The following ZNF395 variants were observed in gnomAD, a reference collection of about 807,000 sequenced individuals.
ZNF395 encodes zinc finger protein 395, also known as HD gene regulatory region-binding protein 2.
A neutral mutation model predicts 57.7 loss-of-function variants in ZNF395; 20 were observed. That is an observed-to-expected ratio of 0.35 (90% CI 0.24 to 0.50). The LOEUF (loss-of-function observed/expected upper bound fraction) is 0.50, where lower values mean the gene tolerates loss of function less well. ZNF395 is among the 20% of genes least tolerant of loss of function. ZNF395 has a pLI of 0.97. For synonymous variants in ZNF395, 295 were observed against 275.9 expected, an observed-to-expected ratio of 1.07 and a Z score of -0.69; for missense variants, 606 against 671.2, an observed-to-expected ratio of 0.90 and a Z score of 1.07.
chr8:28,363,489 G>A (rs964585082), intron 1 of ZNF395, among the ~76,000 whole-genome samples: 5 of 152,086 alleles, frequency 3.3e-5, no homozygotes, highest in Non-Finnish European at 7.4e-5. Flanking sequence ...GGAGCCTCAG[G>A]CTAAAATGGA....
intron 1 of ZNF395, among the ~76,000 whole-genome samples, chr8:28,370,422 A>C (rs1801963528): frequency 6.6e-6 from 1 of 152,210 alleles, no homozygotes; most frequent in South Asian, 2.1e-4. Context: ...CCATTTAAGG[A>C]ATCTTTATGC....
At chr8:28,374,019 C>A (rs928807415) in intron 1 of ZNF395, among the ~76,000 whole-genome samples, 1 of 152,132 alleles carries the variant, frequency 6.6e-6, no homozygotes, top group Non-Finnish European at 1.5e-5. Context: ...GAGGTCTGTG[C>A]AGCAATGTTT....
At position 28,352,588 on chromosome 8, in the gene ZNF395, T is replaced by C; in HGVS notation, c.905A>G (p.Lys302Arg). 6.2e-7 allele frequency: 1 copy of C among 1,614,130 alleles called. No individual in the cohort carries two copies. Among genetic ancestry groups the C allele is most frequent in the Non-Finnish European group, 8.5e-7 (1 of 1,180,010 alleles). ...RSIVGIKRHV[K>R]ALHLGDTVDS... ...TCGCACATACCCCAGATGGAGGGCTTTGACGTGTCGTTTGATGCCCACAAT... is the reference window on the plus strand; with the variant it reads ...TCGCACATACCCCAGATGGAGGGCTCTGACGTGTCGTTTGATGCCCACAAT... The change falls in exon 6 of 10, where the codon AAA becomes AGA. Residue 302 changes from lysine (K) to arginine (R), a missense_variant. By Grantham distance (26) the Lys-to-Arg change is conservative. This residue lies in a region of ZNF395 where 261 missense variants were observed against 240.3 expected (regional missense o/e 1.09). Transcript: ENST00000344423. The surrounding 1 kb of genome is among the most constrained non-coding windows in gnomAD (Gnocchi z 4.0).
Position 28,352,300 on chromosome 8 carries a change from C to T in ZNF395, c.920+273G>A, listed in dbSNP as rs558398579. On this transcript the variant is annotated intron_variant, in intron 6 of 9. Transcript: ENST00000344423. This position sits in a 1 kb window ranked among gnomAD's most constrained non-coding sequence, Gnocchi z 4.0. ...AAACGGGGTCTCACCAGCAACTAAA[C>T]CAAATGACCCCGTTTCTACCCAGAA... is the stretch of plus-strand genomic sequence containing the variant. Among the ~76,000 whole-genome samples, 1 of 152,352 alleles carries T rather than the reference C, an allele frequency of 6.6e-6. No individual in the cohort carries two copies. Among genetic ancestry groups the T allele is most frequent in the South Asian group, 2.1e-4 (1 of 4,828 alleles).
chr8:28,379,633 G>A (rs1802085443), intron 1 of ZNF395, among the ~76,000 whole-genome samples: 1 of 152,102 alleles, frequency 6.6e-6, no homozygotes, highest in Non-Finnish European at 1.5e-5. Context: ...GTGGACCTGT[G>A]CCAACCTGGG....
At chr8:28,376,872 G>A (rs1405571447) in intron 1 of ZNF395, among the ~76,000 whole-genome samples, 2 of 152,154 alleles carry the variant, frequency 1.3e-5, no homozygotes, top group Non-Finnish European at 2.9e-5. Context: ...TTAAGTCAGC[G>A]CACCCCAAAA....
chr8:28,386,096 G>A (rs1189847166), intron 1 of ZNF395: 2 of 147,086 alleles, frequency 1.4e-5, no homozygotes, highest in East Asian at 2.0e-4. Context: ...TGCAGCGGCC[G>A]CGGCCCTGCC....
chr8:28,370,670 C>T (rs138468672), intron 1 of ZNF395, among the ~76,000 whole-genome samples: 160 of 152,256 alleles, frequency 1.1e-3, no homozygotes, highest in African/African-American at 3.5e-3. Context: ...ACATACTCTC[C>T]GAGTTTTCAG....
intron 4 of ZNF395, among the ~76,000 whole-genome samples, chr8:28,355,799 G>C (rs1801771892): frequency 6.6e-6 from 1 of 152,224 alleles, no homozygotes. Context: ...AGCTGACTTT[G>C]AGTCAAGAAA....
At position 28,353,292 on chromosome 8, in the gene ZNF395, G is replaced by A. The variant is rs145352684; in HGVS notation, c.700C>T (p.His234Tyr). 2.5e-6 allele frequency: 4 copies of A among 1,606,260 alleles called. No individual in the cohort carries two copies. The highest frequency in any genetic ancestry group is 2.6e-6 in the Non-Finnish European group (3 of 1,176,170). The change falls in exon 5 of 10, where the codon CAC becomes TAC. Residue 234 changes from histidine to tyrosine, a missense_variant. His to Tyr is a moderately conservative substitution (Grantham distance 83). Transcript: ENST00000344423. Reference sequence around the variant, plus strand: ...AAATACTTGGGGCTGGCCTGGGGGTGGGGGGGCGAGGGGGTGGAGACACCA... The same window carrying A: ...AAATACTTGGGGCTGGCCTGGGGGTAGGGGGGCGAGGGGGTGGAGACACCA... Reference protein sequence around the residue: ...SSGVSTPSPPHPQASPKYLGD... With the variant: ...SSGVSTPSPPYPQASPKYLGD...
chr8:28,356,646 C>A lies in ZNF395; in HGVS notation c.583+24G>T, dbSNP rs758737374. 1.3e-6 allele frequency: 2 copies of A among 1,594,014 alleles called. No homozygotes were observed. The highest frequency in any genetic ancestry group is 1.7e-6 in the Non-Finnish European group (2 of 1,162,962). On this transcript the variant is annotated intron_variant, in intron 4 of 9. Transcript: ENST00000344423. This position sits in a 1 kb window ranked among gnomAD's most constrained non-coding sequence, Gnocchi z 4.0. The stretch of plus-strand genomic sequence containing the variant: ...TCGTGGGCCTCTACCATGCCCAGAA[C>A]CCAGCTGGGCCCCGCTTGCTCACCA...
At chr8:28,370,288 A>G (rs1236844122) in intron 1 of ZNF395, among the ~76,000 whole-genome samples, 1 of 152,200 alleles carries the variant, frequency 6.6e-6, no homozygotes, top group Non-Finnish European at 1.5e-5. Flanking sequence ...CTTAGTGACG[A>G]GAAGACAGGC....
intron 1 of ZNF395, among the ~76,000 whole-genome samples, chr8:28,369,888 A>C (rs1326212487): frequency 6.6e-6 from 1 of 152,224 alleles, no homozygotes; most frequent in Non-Finnish European, 1.5e-5. Context: ...TAAGAAGCCT[A>C]AGAGTCAGAC....
At chr8:28,367,612 A>T (rs1221093387) in intron 1 of ZNF395, among the ~76,000 whole-genome samples, 1 of 151,726 alleles carries the variant, frequency 6.6e-6, no homozygotes, top group Non-Finnish European at 1.5e-5. Context: ...CTTCACACCT[A>T]CCTCCCCATT....
In ZNF395 at chr8:28,350,428, G is replaced by A. The variant is rs139256330; in HGVS notation, c.1234-272C>T. Reference sequence around the variant, plus strand: ...GTGCTAGCCTCATGACTTAATCACCGCAGAAGATTTAACTTCTCAACTGGA... The same window carrying A: ...GTGCTAGCCTCATGACTTAATCACCACAGAAGATTTAACTTCTCAACTGGA... On this transcript the variant is annotated intron_variant, in intron 7 of 9. Coordinates refer to ENST00000344423, the MANE Select transcript of ZNF395 (RefSeq NM_018660.3). Among the ~76,000 whole-genome samples, 30 of 152,250 alleles carry A rather than the reference G, an allele frequency of 2.0e-4. No individual in the cohort carries two copies. In the East Asian group the frequency reaches 5.2e-3, roughly 26 times the overall value.
rs189339997 is a variant in ZNF395 at position 28,359,295 on chromosome 8, G to C, written c.473+297C>G. 6.6e-6 allele frequency among the ~76,000 whole-genome samples: 1 copy of C among 152,158 alleles called. No homozygotes were observed. Among genetic ancestry groups the C allele is most frequent in the Non-Finnish European group, 1.5e-5 (1 of 68,036 alleles). On this transcript the variant is annotated intron_variant, in intron 3 of 9. Coordinates refer to ENST00000344423, the MANE Select transcript of ZNF395 (RefSeq NM_018660.3). The surrounding 1 kb of genome is among the most constrained non-coding windows in gnomAD (Gnocchi z 4.7). ...TGCACGCCTGTAATCCCAGTTACTCGGGAGGCTGAAGTGGAAGAATCGCGT... is the reference window on the plus strand; with the variant it reads ...TGCACGCCTGTAATCCCAGTTACTCCGGAGGCTGAAGTGGAAGAATCGCGT...
Position 28,350,509 on chromosome 8 carries a change from G to A in ZNF395, c.1234-353C>T, listed in dbSNP as rs905402442. 3.3e-5 allele frequency among the ~76,000 whole-genome samples: 5 copies of A among 152,322 alleles called. 1 individual carries two copies. The highest frequency in any genetic ancestry group is 2.1e-4 in the South Asian group (1 of 4,826). ...CCAAAAGAGGCCCCAAGCCTTCTGC[G>A]TCTAGGGGGCATGGCTGGGATAAGA... On this transcript the variant is annotated intron_variant, in intron 7 of 9. Transcript: ENST00000344423.
intron 1 of ZNF395, among the ~76,000 whole-genome samples, chr8:28,368,996 G>A (rs893922540): frequency 2.6e-5 from 4 of 151,932 alleles, no homozygotes; most frequent in Admixed American, 6.6e-5. Context: ...CCACCATGCC[G>A]GGCTAATTTT....
intron 4 of ZNF395, among the ~76,000 whole-genome samples, chr8:28,355,377 T>A (rs989411808): frequency 3.3e-5 from 5 of 152,126 alleles, no homozygotes. Flanking sequence ...CAAGGAAGCC[T>A]TATATTTCCA....
Sources: gnomAD v4.1 joint callset for allele counts (sites outside exome capture counted in the v4.1 genomes callset) on GRCh38, gnomAD v4.1.1 for gene constraint, gnomAD v4.1.1 regional missense constraint, Gnocchi (gnomAD v3.1) non-coding constraint, MANE v1.5 for transcripts, NCBI Gene and HGNC (gene_info 2026-07-23, HGNC 2026-07-21) for gene names.